The following SLC5A12 variants were observed in gnomAD, a reference collection of about 807,000 sequenced individuals.
The protein encoded by SLC5A12 is sodium-coupled monocarboxylate transporter 2.
A neutral mutation model predicts 72.7 loss-of-function variants in SLC5A12; 46 were observed. The observed-to-expected ratio is 0.63, with a 90% CI of 0.50 to 0.81. The LOEUF (loss-of-function observed/expected upper bound fraction) is 0.81, where lower values mean the gene tolerates loss of function less well. Among genes scored for constraint, SLC5A12 ranks in the 30% least tolerant of loss-of-function variants. The probability of loss-of-function intolerance (pLI) is 0.00; values close to 1 mark genes in which losing one functional copy is unlikely to be tolerated. For missense variants in SLC5A12, 683 were observed against 740.7 expected (o/e 0.92, Z 0.90); for synonymous variants, 275 against 264.4 (o/e 1.04, Z -0.39).
At chr11:26,675,902 A>G (rs1854253426) in intron 13 of SLC5A12, among the ~76,000 whole-genome samples, 1 of 152,104 alleles carries the variant, frequency 6.6e-6, no homozygotes, top group South Asian at 2.1e-4. Flanking sequence ...GAGATGGTCT[A>G]TAAACTTGCA....
rs1360861717 is a variant in SLC5A12, at chr11:26,670,165, T to A, written c.*937A>T. 1 of 152,246 alleles carries A rather than the reference T, an allele frequency of 6.6e-6. No individual in the cohort carries two copies. The highest frequency in any genetic ancestry group is 2.4e-5 in the African/African-American group (1 of 41,572). The allele number at this position is 152,246 out of a possible 1,614,324, so 9.4% of individuals were successfully genotyped here. On this transcript the variant is annotated 3_prime_UTR_variant, in exon 15 of 15. Coordinates refer to ENST00000396005, the MANE Select transcript of SLC5A12 (RefSeq NM_178498.4). ...GCTCACATGAGTTGAATGAGCAGAGTACAAGTCTTATGGACAATGTATTTT... is the reference window on the plus strand; with the variant it reads ...GCTCACATGAGTTGAATGAGCAGAGAACAAGTCTTATGGACAATGTATTTT...
chr11:26,692,325 C>G (rs1185244378), intron 9 of SLC5A12, 164 bp downstream of exon 9: 231 of 601,958 alleles, frequency 3.8e-4, no homozygotes, highest in Non-Finnish European at 7.2e-5. Context: ...TCCTGATACC[C>G]TGCTGGATCT....
At chr11:26,694,249 C>T (rs1854754593) in intron 8 of SLC5A12, among the ~76,000 whole-genome samples, 1 of 152,152 alleles carries the variant, frequency 6.6e-6, no homozygotes, top group African/African-American at 2.4e-5. Context: ...TCTCTATCCC[C>T]ACAGTCTCCT....
Position 26,721,548 on chromosome 11 carries a change from G to T in SLC5A12, c.167C>A (p.Ser56Tyr). ...RQMSFGPVGL[S>Y]LTASFMSAVT... ...AGCTGACATGAAGCTGGCTGTCAGAGACAAGCCGACAGGGCCAAAGCTCAT... is the reference window on the plus strand; with the variant it reads ...AGCTGACATGAAGCTGGCTGTCAGATACAAGCCGACAGGGCCAAAGCTCAT... The change falls in exon 1 of 15, where the codon TCT becomes TAT. Residue 56 changes from serine to tyrosine, a missense_variant. Ser to Tyr is a moderately radical substitution (Grantham distance 144). Transcript: ENST00000396005. 6.2e-7 allele frequency: 1 copy of T among 1,614,152 alleles called. No individual in the cohort carries two copies. The highest frequency in any genetic ancestry group is 8.5e-7 in the Non-Finnish European group (1 of 1,180,012).
intron 4 of SLC5A12, among the ~76,000 whole-genome samples, chr11:26,708,463 TTG>T (rs1855142074): frequency 6.6e-6 from 1 of 152,082 alleles, no homozygotes; most frequent in Admixed American, 6.6e-5. Flanking sequence ...TATTTTAAAA[TTG>T]TATATAATTG....
chr11:26,719,739 T>C (rs147701226), intron 1 of SLC5A12, among the ~76,000 whole-genome samples: 251 of 152,320 alleles, frequency 1.6e-3, no homozygotes, highest in African/African-American at 5.7e-3. Context: ...TGAAGTTTCA[T>C]ATGATCACCC....
chr11:26,692,494 C>G lies in SLC5A12; in HGVS notation c.1148G>C (p.Gly383Ala), dbSNP rs945463995. 1.2e-6 allele frequency: 2 copies of G among 1,606,840 alleles called. No homozygotes were observed. The highest frequency in any genetic ancestry group is 1.1e-5 in the South Asian group (1 of 90,934). Residue 383 changes from glycine (G) to alanine (A), a missense_variant, in exon 9 of 15, where the codon GGC (glycine) becomes GCC (alanine). Physicochemically the swap from Gly to Ala is moderately conservative, Grantham distance 60. Transcript: ENST00000396005. Reference protein sequence around the residue: ...SDKLSTWISKGLCLLFGVMCT... With the variant: ...SDKLSTWISKALCLLFGVMCT... ...AGTCCACCAGCTGTACCTACATAAG[C>G]CTTTACTGATCCAGGTGCTCAGCTT...
intron 4 of SLC5A12, 52 bp downstream of exon 4, chr11:26,709,260 T>TATCCCATA: frequency 7.4e-7 from 1 of 1,354,108 alleles, no homozygotes; most frequent in Non-Finnish European, 1.0e-6. Flanking sequence ...GATTTGCCCT[T>TATCCCATA]ATCCCATATT....
chr11:26,675,167 C>T (rs563347275), intron 13 of SLC5A12, among the ~76,000 whole-genome samples: 45 of 152,270 alleles, frequency 3.0e-4, no homozygotes, highest in African/African-American at 1.0e-3. Flanking sequence ...GAATGAACCA[C>T]AAAATCATCA....
At chr11:26,721,277 T>G in intron 1 of SLC5A12, 99 bp downstream of exon 1, 1 of 898,210 alleles carries the variant, frequency 1.1e-6, no homozygotes, top group Non-Finnish European at 1.7e-6. Context: ...TCATAATGTG[T>G]AATTATCCTG....
chr11:26,721,813 G>C lies in SLC5A12; in HGVS notation c.-99C>G. Reference sequence around the variant, plus strand: ...AGTACAGTGGATGCTTTGCTGAGAGGAGAGACTGTGATTCCCTGAAGAAAA... The same window carrying C: ...AGTACAGTGGATGCTTTGCTGAGAGCAGAGACTGTGATTCCCTGAAGAAAA... On this transcript the variant is annotated 5_prime_UTR_variant, in exon 1 of 15. Transcript: ENST00000396005. 1.0e-6 allele frequency: 1 copy of C among 1,002,108 alleles called. No homozygotes were observed. The highest frequency in any genetic ancestry group is 1.5e-6 in the Non-Finnish European group (1 of 667,748). The allele number at this position is 1,002,108 out of a possible 1,614,324, so 62.1% of individuals were successfully genotyped here.
At chr11:26,715,154 T>C (rs542481829) in intron 1 of SLC5A12, among the ~76,000 whole-genome samples, 3 of 152,262 alleles carry the variant, frequency 2.0e-5, no homozygotes, top group South Asian at 4.2e-4. Flanking sequence ...GTGGGAAGTA[T>C]GATAATGCCA....
rs758561842 is a variant in SLC5A12 at position 26,709,303 on chromosome 11, G to A, written c.525+9C>T. On this transcript the variant is annotated intron_variant, in intron 4 of 14. Transcript: ENST00000396005. ...AGTGTTAAATACTTCTTCACAGCTA[G>A]ATACATACCAGGGTACAGTAGAATG... is the stretch of plus-strand genomic sequence containing the variant. 5 of 1,604,308 alleles carry A rather than the reference G, an allele frequency of 3.1e-6. No homozygotes were observed. The African/African-American group carries it at 6.7e-5, about 21-fold the overall frequency.
At chr11:26,702,727 T>TTG (rs773060624) in intron 6 of SLC5A12, among the ~76,000 whole-genome samples, 2 of 152,152 alleles carry the variant, frequency 1.3e-5, no homozygotes, top group Non-Finnish European at 2.9e-5. Context: ...GCTTGCTACA[T>TTG]TACCCTCTGT....
intron 7 of SLC5A12, 132 bp from the exon 8 acceptor site, chr11:26,697,384 C>G (rs1298716225): frequency 1.4e-6 from 1 of 709,908 alleles, no homozygotes; most frequent in East Asian, 2.9e-5. Flanking sequence ...AGCTGTTTAG[C>G]AAAAGGAGGT....
chr11:26,699,242 C>T (rs16916149), intron 6 of SLC5A12, among the ~76,000 whole-genome samples: 5,427 of 152,234 alleles, frequency 0.036, 309 homozygotes, highest in African/African-American at 0.12. Flanking sequence ...AGTAGGCTGG[C>T]CTTACCTTGG....
intron 8 of SLC5A12, among the ~76,000 whole-genome samples, chr11:26,695,189 A>G (rs1339678651): frequency 6.6e-6 from 1 of 152,134 alleles, no homozygotes; most frequent in Middle Eastern, 3.3e-3. Flanking sequence ...AAGTACAGTC[A>G]TCAAAATTAT....
chr11:26,682,728 T>G (rs1024521390), intron 11 of SLC5A12, among the ~76,000 whole-genome samples: 4 of 152,114 alleles, frequency 2.6e-5, no homozygotes, highest in Admixed American at 2.6e-4. Context: ...AATAAATCAA[T>G]GTTAACAGTG....
intron 9 of SLC5A12, 127 bp downstream of exon 9, chr11:26,692,362 G>T (rs941580577): frequency 3.2e-5 from 21 of 664,508 alleles, no homozygotes; most frequent in African/African-American, 2.3e-4. Flanking sequence ...CTATGTGTGG[G>T]ATTCTTCACA....
Sources: gnomAD v4.1 joint callset for allele counts (sites outside exome capture counted in the v4.1 genomes callset) on GRCh38, gnomAD v4.1.1 for gene constraint, MANE v1.5 for transcripts, NCBI Gene and HGNC (gene_info 2026-07-23, HGNC 2026-07-21) for gene names.